OGT: variants seen among roughly 807,000 people sequenced by gnomAD.
OGT encodes the protein UDP-N-acetylglucosamine--peptide N-acetylglucosaminyltransferase 110 kDa subunit.
Under a neutral mutation model 75.8 loss-of-function variants are expected in OGT, and 3 were observed. That is an observed-to-expected ratio of 0.04 (90% CI 0.02 to 0.10). The LOEUF (loss-of-function observed/expected upper bound fraction) is 0.10. Ranked by LOEUF, OGT falls within the 10% of genes least tolerant of loss-of-function variation. The pLI is 1.00. For synonymous variants in OGT, 257 were observed against 289.7 expected, an observed-to-expected ratio of 0.89 and a Z score of 1.15; for missense variants, 260 against 824.4, an observed-to-expected ratio of 0.32 and a Z score of 8.38.
intron 2 of OGT, among the ~76,000 whole-genome samples, 176 bp from the exon 3 acceptor site, chrX:71,537,653 C>T (rs1472337480): frequency 5.3e-5 from 6 of 112,605 alleles, no homozygotes; most frequent in African/African-American, 1.9e-4. Flanking sequence ...TCTAGAATAC[C>T]TCCACTTTTG....
At chrX:71,544,087 G>GAT (rs994765559) in intron 3 of OGT, among the ~76,000 whole-genome samples, 1 of 110,342 alleles carries the variant, frequency 9.1e-6, no homozygotes, top group Non-Finnish European at 1.9e-5. Flanking sequence ...CGCCCGGCCT[G>GAT]ATATATATAT....
At chrX:71,536,141 C>T (rs2040174191) in intron 1 of OGT, 37 bp from the exon 2 acceptor site, 8 of 1,114,035 alleles carry the variant, frequency 7.2e-6, no homozygotes, top group Middle Eastern at 2.5e-4. Context: ...TTTTGTTTTC[C>T]CCCCTCCTTC....
chrX:71,555,013 G>T (rs112852335), intron 6 of OGT, among the ~76,000 whole-genome samples, 177 bp from the exon 7 acceptor site: 1 of 111,559 alleles, frequency 9.0e-6, no homozygotes, highest in African/African-American at 3.3e-5. Context: ...TGTGATTTTG[G>T]TTTGAGGTTA....
chrX:71,565,724 C>T lies in OGT; in HGVS notation c.2589+971C>T, dbSNP rs58851534. On this transcript the variant is annotated intron_variant, in intron 19 of 21. Coordinates refer to ENST00000373719, the MANE Select transcript of OGT (RefSeq NM_181672.3). ...CAGTTTTGTGGTCCATGCTGTTTCA[C>T]GTCTACTCAGCTTTGCCGTTGTAGC... Among the ~76,000 whole-genome samples, 1,113 of 112,573 alleles carry T rather than the reference C, an allele frequency of 9.9e-3. 18 individuals carry two copies. Among genetic ancestry groups the T allele is most frequent in the African/African-American group, 0.033 (1,033 of 31,026 alleles).
Position 71,575,676 on chromosome X carries a change from C to T in OGT, c.*1882C>T, listed in dbSNP as rs1353553538. ...ACTTTTTCCTGGCACGAAAAGTAGCCGCTCTGGTTGAAGCTTTGCTTATTG... is the reference window on the plus strand; with the variant it reads ...ACTTTTTCCTGGCACGAAAAGTAGCTGCTCTGGTTGAAGCTTTGCTTATTG... On this transcript the variant is annotated 3_prime_UTR_variant, in exon 22 of 22. Transcript: ENST00000373719. The T allele has an allele frequency of 1.8e-5, 2 of 112,432 alleles. No individual in the cohort carries two copies. Among genetic ancestry groups the T allele is most frequent in the Non-Finnish European group, 3.8e-5 (2 of 53,255 alleles). 9.3% of individuals were successfully genotyped at this position (112,432 alleles called of 1,213,427 possible). A position where few individuals can be genotyped will look rare whatever the true frequency, so the allele number is the denominator to read the frequency against.
At chrX:71,549,295 CAAAAAAAAAAAAA>C (rs35779562) in intron 5 of OGT, among the ~76,000 whole-genome samples, 8 of 21,831 alleles carry the variant, frequency 3.7e-4, no homozygotes, top group Non-Finnish European at 4.7e-4. Flanking sequence ...GGCCCTGTCT[CAAAAAAAAAAAAA>C]AAAAAAAAAA....
chrX:71,540,187 G>T (rs1159841636), intron 3 of OGT, among the ~76,000 whole-genome samples: 4 of 112,173 alleles, frequency 3.6e-5, no homozygotes, highest in South Asian at 7.3e-4. Flanking sequence ...GATTGTGCAA[G>T]TTCCCTTGAT....
chrX:71,556,891 G>A (rs1309136826), intron 9 of OGT, 61 bp from the exon 10 acceptor site: 11 of 1,129,281 alleles, frequency 9.7e-6, no homozygotes, highest in Admixed American at 6.9e-5. Context: ...GAATAAGTTA[G>A]CATTACAGTG....
chrX:71,552,672 A>G (rs187055890), intron 5 of OGT, among the ~76,000 whole-genome samples: 183 of 109,037 alleles, frequency 1.7e-3, no homozygotes, highest in Non-Finnish European at 2.1e-3. Flanking sequence ...GGCATGAGCC[A>G]CCACGCCCAG....
At chrX:71,546,340 T>C (rs1203143622) in intron 4 of OGT, 44 of 752,731 alleles carry the variant, frequency 5.8e-5, no homozygotes, top group Non-Finnish European at 6.9e-5. Flanking sequence ...GATATTGTAT[T>C]TAGAAGGTTT....
intron 5 of OGT, among the ~76,000 whole-genome samples, chrX:71,549,773 T>G (rs1031303650): frequency 8.9e-6 from 1 of 111,801 alleles, no homozygotes; most frequent in African/African-American, 3.3e-5. Flanking sequence ...AAAATGTACT[T>G]TAGTAATTAA....
chrX:71,559,476 C>A (rs1378592325), intron 13 of OGT, 51 bp downstream of exon 13: 2 of 1,155,112 alleles, frequency 1.7e-6, no homozygotes, highest in Admixed American at 2.4e-5. Flanking sequence ...AAGAAAAAAC[C>A]CACAATGTTG....
At position 71,559,273 on chromosome X, in the gene OGT, G is replaced by C; in HGVS notation, c.1609G>C (p.Val537Leu). 1 of 1,206,431 alleles carries C rather than the reference G, an allele frequency of 8.3e-7. No homozygotes were observed. Among genetic ancestry groups the C allele is most frequent in the Non-Finnish European group, 1.1e-6 (1 of 892,594 alleles). The change falls in exon 13 of 22, where the codon GTT becomes CTT. Residue 537 changes from valine (V) to leucine (L), a missense_variant. Val to Leu is a conservative substitution (Grantham distance 32, BLOSUM62 1). This residue lies in a region of OGT where 99 missense variants were observed against 417.9 expected (regional missense o/e 0.24). Transcript: ENST00000373719. ...HGNLCLDKIN[V>L]LHKPPYEHPK... ...CATTGGATTCTGTTGATAGATTAATGTTCTTCATAAACCACCATATGAACA... is the reference window on the plus strand; with the variant it reads ...CATTGGATTCTGTTGATAGATTAATCTTCTTCATAAACCACCATATGAACA...
intron 21 of OGT, among the ~76,000 whole-genome samples, chrX:71,568,501 G>T (rs1040170590): frequency 8.9e-6 from 1 of 112,279 alleles, no homozygotes; most frequent in Non-Finnish European, 1.9e-5. Context: ...TAACAAGAAA[G>T]TGTTTCAGGC....
At chrX:71,538,794 G>C (rs759919720) in intron 3 of OGT, among the ~76,000 whole-genome samples, 2 of 111,656 alleles carry the variant, frequency 1.8e-5, no homozygotes, top group Non-Finnish European at 3.8e-5. Context: ...TGGGGTTATA[G>C]AAATCTAGAA....
intron 21 of OGT, among the ~76,000 whole-genome samples, chrX:71,570,954 T>C (rs1486999718): frequency 9.4e-6 from 1 of 106,315 alleles, no homozygotes; most frequent in Admixed American, 1.0e-4. Context: ...CCACCATGCC[T>C]GGCTTTTTTT....
Position 71,573,911 on chromosome X carries a change from A to C in OGT, c.*117A>C. On this transcript the variant is annotated 3_prime_UTR_variant, in exon 22 of 22. Coordinates refer to ENST00000373719, the MANE Select transcript of OGT (RefSeq NM_181672.3). ...CAGTACCTTGTTGCAGATGGGTGAT[A>C]TATAATGGTAATAGAATAGCACAGC... The C allele has an allele frequency of 2.0e-6, 1 of 502,733 alleles. No homozygotes were observed. The highest frequency in any genetic ancestry group is 3.1e-6 in the Non-Finnish European group (1 of 325,868). The allele number at this position is 502,733 out of a possible 1,213,427, so 41.4% of individuals were successfully genotyped here. A position where few individuals can be genotyped will look rare whatever the true frequency, so the allele number is the denominator to read the frequency against.
At chrX:71,567,099 T>C (rs1205539414) in intron 19 of OGT, among the ~76,000 whole-genome samples, 1 of 112,589 alleles carries the variant, frequency 8.9e-6, no homozygotes, top group Non-Finnish European at 1.9e-5. Context: ...ACCAAAAATA[T>C]TTGCTATCTG....
intron 14 of OGT, among the ~76,000 whole-genome samples, 178 bp from the exon 15 acceptor site, chrX:71,561,597 A>G (rs2040384936): frequency 9.0e-6 from 1 of 111,690 alleles, no homozygotes; most frequent in African/African-American, 3.3e-5. Context: ...CATTTTAATG[A>G]CAGTCAACCA....
Sources: allele counts gnomAD v4.1 joint callset (sites outside exome capture counted in the v4.1 genomes callset), GRCh38; gene constraint gnomAD v4.1.1; regional missense constraint gnomAD v4.1.1; transcripts MANE v1.5; gene names NCBI Gene and HGNC (gene_info 2026-07-23, HGNC 2026-07-21).